The following RBM41 variants were observed in gnomAD, a reference collection of about 807,000 sequenced individuals.
RBM41 encodes RNA-binding protein 41.
RBM41 carries 14 observed loss-of-function variants against 30.8 expected under a neutral mutation model. That is an observed-to-expected ratio of 0.45 (90% confidence interval 0.30 to 0.71). The LOEUF is 0.71. Among genes scored for constraint, RBM41 ranks in the 30% least tolerant of loss-of-function variants. The probability of loss-of-function intolerance (pLI) is 0.08; values close to 1 mark genes in which losing one functional copy is unlikely to be tolerated. For missense variants in RBM41, 276 were observed against 326.3 expected (o/e 0.85, Z 1.19); for synonymous variants, 120 against 110.1 (o/e 1.09, Z -0.56).
Position 107,101,221 on chromosome X carries a change from G to A in RBM41, c.595+12176C>T, listed in dbSNP as rs773741517. ...ATGGGGATTTTTGGAGTATCGGCAT[G>A]TTCTGTTTCTTGATCTGATTAAAAA... On this transcript the variant is annotated intron_variant, in intron 5 of 7. Transcript: ENST00000685964. 4.5e-5 allele frequency among the ~76,000 whole-genome samples: 5 copies of A among 111,497 alleles called. 1 individual carries two copies. The East Asian group carries it at 1.4e-3, about 32-fold the overall frequency.
At chrX:107,076,805 G>A (rs1449345799) in intron 6 of RBM41, among the ~76,000 whole-genome samples, 1 of 111,364 alleles carries the variant, frequency 9.0e-6, no homozygotes, top group East Asian at 2.8e-4. Context: ...AAGGAACTAT[G>A]GAAGAATTCA....
intron 5 of RBM41, among the ~76,000 whole-genome samples, chrX:107,108,452 G>A (rs1223070099): frequency 1.8e-5 from 2 of 111,326 alleles, no homozygotes; most frequent in Non-Finnish European, 3.8e-5. Flanking sequence ...GCAGGAGGAA[G>A]GGGTAAGAAA....
chrX:107,105,955 C>T lies in RBM41; in HGVS notation c.595+7442G>A, dbSNP rs766622364. Among the ~76,000 whole-genome samples the T allele has an allele frequency of 3.2e-4, 36 of 111,446 alleles. No homozygotes were observed. In the East Asian group the frequency reaches 8.2e-3, roughly 25 times the overall value. ...GGCAATACCATTCAGGATATAGGCA[C>T]GGGCAAGGACTTCATGACTAAAACA... On this transcript the variant is annotated intron_variant, in intron 5 of 7. Coordinates refer to ENST00000685964, the MANE Select transcript of RBM41 (RefSeq NM_001324242.2).
chrX:107,108,312 A>G (rs1017591797), intron 5 of RBM41, among the ~76,000 whole-genome samples: 1 of 112,009 alleles, frequency 8.9e-6, no homozygotes, highest in Non-Finnish European at 1.9e-5. Context: ...CCTCAAAATT[A>G]GTAGCTATTA....
At chrX:107,052,231 C>A in the RBM41 span, among the ~76,000 whole-genome samples, 1 of 111,363 alleles carries the variant, frequency 9.0e-6, no homozygotes, top group Non-Finnish European at 1.9e-5. Flanking sequence ...GGGTTTATAT[C>A]CCGATCATTG....
intron 5 of RBM41, among the ~76,000 whole-genome samples, chrX:107,096,358 T>C (rs145949739): frequency 0.019 from 2,147 of 112,093 alleles, 64 homozygotes; most frequent in African/African-American, 0.066. Flanking sequence ...TACTACCCAA[T>C]TTCAAAACTT....
intron 5 of RBM41, among the ~76,000 whole-genome samples, chrX:107,095,006 T>C (rs937423336): frequency 3.6e-5 from 4 of 110,625 alleles, no homozygotes; most frequent in African/African-American, 1.3e-4. Context: ...CCAAAGAGCA[T>C]GTGCAGAAAA....
the RBM41 span, among the ~76,000 whole-genome samples, chrX:107,053,180 G>C: frequency 8.8e-6 from 1 of 113,366 alleles, no homozygotes; most frequent in East Asian, 2.8e-4. Flanking sequence ...GGAAGAATGG[G>C]TACTCTTTTG....
intron 2 of RBM41, 181 bp from the exon 3 acceptor site, chrX:107,116,235 GAAT>G (rs1300782570): frequency 1.0e-6 from 1 of 970,388 alleles, no homozygotes; most frequent in Non-Finnish European, 1.3e-6. Flanking sequence ...CGTCATCCAG[GAAT>G]AATAAACTAA....
chrX:107,112,051 T>A (rs1377223656), intron 5 of RBM41, among the ~76,000 whole-genome samples: 3 of 110,884 alleles, frequency 2.7e-5, no homozygotes, highest in Non-Finnish European at 5.7e-5. Flanking sequence ...TTTACCACAA[T>A]AAAAAAAGTT....
Position 107,078,918 on chromosome X carries a change from C to A in RBM41, c.1000-9516G>T, listed in dbSNP as rs142853441. Among the ~76,000 whole-genome samples, 1,043 of 110,095 alleles carry A rather than the reference C, an allele frequency of 9.5e-3. 14 individuals carry two copies. The highest frequency in any genetic ancestry group is 0.032 in the African/African-American group (981 of 30,367). ...AACATAAAATCATCATGTCAAAGAA[C>A]AATAAAATAATGATTTTATATTGTT... On this transcript the variant is annotated intron_variant, in intron 6 of 7. Transcript: ENST00000685964.
At chrX:107,088,980 G>A in intron 5 of RBM41, 141 bp from the exon 6 acceptor site, 1 of 872,606 alleles carries the variant, frequency 1.1e-6, no homozygotes, top group Non-Finnish European at 1.5e-6. Flanking sequence ...AAATGACAAT[G>A]GTAAATAGTT....
chrX:107,055,162 T>G, the RBM41 span, among the ~76,000 whole-genome samples: 1 of 112,312 alleles, frequency 8.9e-6, no homozygotes, highest in Non-Finnish European at 1.9e-5. Flanking sequence ...CATTGTAGCA[T>G]GTATCAGTAC....
intron 6 of RBM41, among the ~76,000 whole-genome samples, chrX:107,082,688 A>AT (rs751381738): frequency 1.4e-4 from 15 of 109,708 alleles, no homozygotes; most frequent in African/African-American, 4.9e-4. Context: ...TCTTTATATA[A>AT]TTTTTTTTTA....
chrX:107,115,712 G>T, intron 3 of RBM41, 150 bp downstream of exon 3: 1 of 873,895 alleles, frequency 1.1e-6, no homozygotes, highest in Non-Finnish European at 1.6e-6. Context: ...TTTTACCAAT[G>T]TCTGCATTCT....
intron 5 of RBM41, among the ~76,000 whole-genome samples, chrX:107,110,469 TC>T (rs1239484235): frequency 9.0e-6 from 1 of 111,085 alleles, no homozygotes; most frequent in Non-Finnish European, 1.9e-5. Context: ...TAAATAGACA[TC>T]CCATGTTCAT....
chrX:107,070,382 G>A (rs182412174), intron 6 of RBM41: 6 of 326,258 alleles, frequency 1.8e-5, no homozygotes, highest in African/African-American at 1.1e-4. Flanking sequence ...TAGTACCCTC[G>A]TAAGAAAGAT....
chrX:107,075,780 T>C (rs997307900), intron 6 of RBM41, among the ~76,000 whole-genome samples: 24 of 112,047 alleles, frequency 2.1e-4, no homozygotes, highest in African/African-American at 7.4e-4. Flanking sequence ...GCACTGTTGA[T>C]GGGAATGTAA....
At chrX:107,093,153 C>T (rs1010601822) in intron 5 of RBM41, among the ~76,000 whole-genome samples, 1 of 110,940 alleles carries the variant, frequency 9.0e-6, no homozygotes, top group Non-Finnish European at 1.9e-5. Context: ...AAGTGAATTA[C>T]ATGGCATGTT....
Sources: allele counts gnomAD v4.1 joint callset (sites outside exome capture counted in the v4.1 genomes callset), GRCh38; gene constraint gnomAD v4.1.1; transcripts MANE v1.5; gene names NCBI Gene and HGNC (gene_info 2026-07-23, HGNC 2026-07-21).